The following SCN9A variants were observed in gnomAD, a reference collection of about 807,000 sequenced individuals.
The protein encoded by SCN9A is sodium voltage-gated channel alpha subunit 9, also known as sodium channel protein type 9 subunit alpha.
Under a neutral mutation model 187.0 loss-of-function variants are expected in SCN9A, and 131 were observed. The ratio of observed to expected loss-of-function variants is 0.70; its 90% confidence interval spans 0.61 to 0.81. The LOEUF is 0.81. SCN9A is among the 30% of genes least tolerant of loss of function. The pLI, the probability that SCN9A is intolerant of heterozygous loss-of-function variation, is 0.00. For synonymous variants in SCN9A, 809 were observed against 808.6 expected, an observed-to-expected ratio of 1.00 and a Z score of -0.01; for missense variants, 2,252 against 2,396.6, an observed-to-expected ratio of 0.94 and a Z score of 1.26.
chr2:166,214,809 C>T (rs917756311), intron 24 of SCN9A, among the ~76,000 whole-genome samples: 9 of 151,860 alleles, frequency 5.9e-5, no homozygotes, highest in African/African-American at 1.7e-4. Flanking sequence ...CCACCGCGCC[C>T]GGCCACAATC....
chr2:166,201,396 A>G (rs57644012), intron 26 of SCN9A, among the ~76,000 whole-genome samples: 6 of 148,034 alleles, frequency 4.1e-5, no homozygotes, highest in African/African-American at 1.5e-4. Flanking sequence ...TATAGTATGC[A>G]TATACGCTAT....
At chr2:166,226,019 C>A (rs1032909118) in intron 24 of SCN9A, among the ~76,000 whole-genome samples, 19 of 152,180 alleles carry the variant, frequency 1.2e-4, no homozygotes, top group Middle Eastern at 3.4e-3. Context: ...GTCAAAGAAA[C>A]TAATACAGTT....
Position 166,350,659 on chromosome 2 carries a change from T to C in SCN9A, c.-51+25038A>G, listed in dbSNP as rs182626281. Among the ~76,000 whole-genome samples, 217 of 152,334 alleles carry C rather than the reference T, an allele frequency of 1.4e-3. 2 individuals carry two copies. Among genetic ancestry groups the C allele is most frequent in the African/African-American group, 5.0e-3 (206 of 41,584 alleles). On this transcript the variant is annotated intron_variant, in intron 1 of 26. Transcript: ENST00000642356. ...TGTCTGTAAATAAGAATTAGAACTA[T>C]ATTTTATGAGGTCACTTTTAACTTA...
At chr2:166,328,652 C>T (rs1699424790) in intron 1 of SCN9A, among the ~76,000 whole-genome samples, 1 of 151,910 alleles carries the variant, frequency 6.6e-6, no homozygotes, top group South Asian at 2.1e-4. Flanking sequence ...AGATCTTAGA[C>T]AAAAAGAATG....
At chr2:166,204,733 T>A in intron 24 of SCN9A, 1 of 209,806 alleles carries the variant, frequency 4.8e-6, no homozygotes, top group Admixed American at 5.5e-5. Context: ...CTAATCAGTG[T>A]TGTTTTAAAC....
At chr2:166,203,690 G>T (rs1408579605) in intron 26 of SCN9A, among the ~76,000 whole-genome samples, 1 of 151,892 alleles carries the variant, frequency 6.6e-6, no homozygotes, top group East Asian at 1.9e-4. Context: ...TTTTGCAAAG[G>T]TAATATTGGA....
chr2:166,208,863 TTAC>T (rs1693943982), intron 24 of SCN9A, among the ~76,000 whole-genome samples: 2 of 152,230 alleles, frequency 1.3e-5, no homozygotes, highest in Non-Finnish European at 2.9e-5. Flanking sequence ...TGGTATCCTG[TTAC>T]TTGGTTTGAA....
intron 1 of SCN9A, among the ~76,000 whole-genome samples, chr2:166,319,936 T>C (rs931264961): frequency 7.2e-5 from 11 of 152,036 alleles, no homozygotes; most frequent in African/African-American, 2.4e-4. Context: ...TATATTCCAT[T>C]TAAAGGTATA....
Position 166,307,893 on chromosome 2 carries a change from C to T in SCN9A, c.259-819G>A, listed in dbSNP as rs549464271. Among the ~76,000 whole-genome samples the T allele has an allele frequency of 4.1e-4, 63 of 152,286 alleles. 2 individuals are homozygous for T. The South Asian group carries it at 0.011, about 26-fold the overall frequency. ...TTCAAATCCCAGCCTTATTTTTCTC[C>T]GGTTGGCAGGAAGATGACTTGTGTT... On this transcript the variant is annotated intron_variant, in intron 2 of 26. Coordinates refer to ENST00000642356, the MANE Select transcript of SCN9A (RefSeq NM_001365536.1).
At chr2:166,278,725 C>A (rs550421255) in intron 14 of SCN9A, among the ~76,000 whole-genome samples, 1 of 152,002 alleles carries the variant, frequency 6.6e-6, no homozygotes, top group East Asian at 1.9e-4. Context: ...TCTGATCTGA[C>A]TACTGTTAGA....
chr2:166,247,774 A>T (rs754627933), intron 18 of SCN9A, among the ~76,000 whole-genome samples: 26 of 152,066 alleles, frequency 1.7e-4, no homozygotes, highest in Non-Finnish European at 2.6e-4. Flanking sequence ...TTTTTCGCTA[A>T]CTCTAATCCT....
At chr2:166,265,510 T>C (rs1295996714) in intron 17 of SCN9A, among the ~76,000 whole-genome samples, 5 of 151,990 alleles carry the variant, frequency 3.3e-5, no homozygotes, top group African/African-American at 4.8e-5. Context: ...AATAAACATA[T>C]AGGAGTACAG....
At chr2:166,360,872 T>C (rs991150039) in intron 1 of SCN9A, among the ~76,000 whole-genome samples, 3 of 152,160 alleles carry the variant, frequency 2.0e-5, no homozygotes, top group African/African-American at 7.2e-5. Context: ...ACGAAAATCT[T>C]ATGTGGAGTA....
intron 1 of SCN9A, among the ~76,000 whole-genome samples, chr2:166,365,715 C>A (rs973575078): frequency 2.0e-5 from 3 of 152,110 alleles, no homozygotes; most frequent in African/African-American, 7.2e-5. Context: ...ACTCAAATAC[C>A]CTGTATAAAA....
intron 1 of SCN9A, among the ~76,000 whole-genome samples, chr2:166,315,269 C>T (rs1699081204): frequency 6.6e-6 from 1 of 152,034 alleles, no homozygotes; most frequent in African/African-American, 2.4e-5. Context: ...CTGGAGGGTA[C>T]CATCTCTTTC....
chr2:166,302,018 A>G (rs1288567424), intron 7 of SCN9A: 3 of 150,928 alleles, frequency 2.0e-5, no homozygotes, highest in Non-Finnish European at 4.4e-5. Context: ...TATCACAGTG[A>G]GTGAGAAAGG....
chr2:166,249,915 TA>T (rs1167097771), intron 18 of SCN9A, among the ~76,000 whole-genome samples: 1 of 152,052 alleles, frequency 6.6e-6, no homozygotes, highest in Non-Finnish European at 1.5e-5. Flanking sequence ...AATACAAATT[TA>T]AGTCTATATA....
At chr2:166,325,741 CAT>C (rs1699347467) in intron 1 of SCN9A, among the ~76,000 whole-genome samples, 1 of 152,046 alleles carries the variant, frequency 6.6e-6, no homozygotes, top group Non-Finnish European at 1.5e-5. Flanking sequence ...TGTGAGGTAA[CAT>C]AGAGATAAAA....
chr2:166,278,330 A>G lies in SCN9A; in HGVS notation c.2344-17T>C. The G allele has an allele frequency of 6.4e-7, 1 of 1,551,696 alleles. No individual in the cohort carries two copies. Among genetic ancestry groups the G allele is most frequent in the Non-Finnish European group, 8.7e-7 (1 of 1,149,022 alleles). ...AGTAAAGACCTAAGTGAGAAAAATA[A>G]TGTTTTTCTGTTAATATTAGAAAAC... On this transcript the variant is annotated splice_polypyrimidine_tract_variant and intron_variant, in intron 14 of 26. Coordinates refer to ENST00000642356, the MANE Select transcript of SCN9A (RefSeq NM_001365536.1).
Sources: allele counts gnomAD v4.1 joint callset (sites outside exome capture counted in the v4.1 genomes callset), GRCh38; gene constraint gnomAD v4.1.1; transcripts MANE v1.5; gene names NCBI Gene and HGNC (gene_info 2026-07-23, HGNC 2026-07-21).